Variants in CADM2 observed in about 807,000 individuals in gnomAD.
CADM2 encodes the protein immunoglobulin superfamily member 4D.
CADM2 carries 12 observed loss-of-function variants against 49.8 expected under a neutral mutation model. The ratio of observed to expected loss-of-function variants is 0.24; its 90% CI spans 0.15 to 0.39. CADM2 has a LOEUF of 0.39. Ranked by LOEUF, CADM2 falls within the 10% of genes least tolerant of loss-of-function variation. The pLI, the probability that CADM2 is intolerant of heterozygous loss-of-function variation, is 1.00. For missense variants in CADM2, 378 were observed against 492.3 expected (o/e 0.77, Z 2.20); for synonymous variants, 214 against 175.4 (o/e 1.22, Z -1.74).
chr3:85,537,546 G>C (rs1039973085), intron 1 of CADM2, among the ~76,000 whole-genome samples: 1 of 151,696 alleles, frequency 6.6e-6, no homozygotes, highest in Non-Finnish European at 1.5e-5. Flanking sequence ...GTTAATATGA[G>C]AAGAAAATGT....
chr3:85,417,291 AGTTT>A (rs1294793958), intron 1 of CADM2, among the ~76,000 whole-genome samples: 4 of 152,242 alleles, frequency 2.6e-5, no homozygotes, highest in African/African-American at 9.6e-5. Context: ...GAAATCCTGA[AGTTT>A]GTTTTATACT....
chr3:85,934,154 A>T (rs542494791), intron 6 of CADM2, among the ~76,000 whole-genome samples: 24 of 152,008 alleles, frequency 1.6e-4, no homozygotes, highest in African/African-American at 5.5e-4. Context: ...TGAAAACTAA[A>T]CTCTTCTTTA....
At chr3:85,729,020 T>G (rs558720884) in intron 2 of CADM2, among the ~76,000 whole-genome samples, 1 of 152,164 alleles carries the variant, frequency 6.6e-6, no homozygotes, top group African/African-American at 2.4e-5. Context: ...ATGTAGCAAC[T>G]AGCTCTTTGC....
At chr3:85,380,259 C>A (rs997931712) in intron 1 of CADM2, among the ~76,000 whole-genome samples, 5 of 151,794 alleles carry the variant, frequency 3.3e-5, no homozygotes, top group Admixed American at 1.3e-4. Flanking sequence ...ATCGTGACAC[C>A]TTTTGAAGGT....
chr3:85,413,827 C>G (rs1576509162), intron 1 of CADM2, among the ~76,000 whole-genome samples: 2 of 152,224 alleles, frequency 1.3e-5, no homozygotes, highest in East Asian at 3.9e-4. Context: ...AATACTGTGT[C>G]TCACAGCTTT....
At chr3:85,595,581 G>T (rs76125709) in intron 1 of CADM2, among the ~76,000 whole-genome samples, 2 of 151,848 alleles carry the variant, frequency 1.3e-5, no homozygotes, top group Non-Finnish European at 2.9e-5. Context: ...TTCTTAAAAG[G>T]TGGGTGCAAA....
intron 1 of CADM2, among the ~76,000 whole-genome samples, chr3:85,106,513 C>T (rs1408712504): frequency 2.0e-5 from 3 of 151,984 alleles, no homozygotes; most frequent in Non-Finnish European, 4.4e-5. Flanking sequence ...TCACTTATAC[C>T]ATAAATGAAT....
At chr3:85,745,171 G>C (rs2068564054) in intron 2 of CADM2, among the ~76,000 whole-genome samples, 1 of 152,162 alleles carries the variant, frequency 6.6e-6, no homozygotes, top group Non-Finnish European at 1.5e-5. Flanking sequence ...TTCTACCTCA[G>C]TGGCTTTTGA....
chr3:85,381,461 G>T (rs921043916), intron 1 of CADM2, among the ~76,000 whole-genome samples: 1 of 146,360 alleles, frequency 6.8e-6, no homozygotes, highest in Non-Finnish European at 1.5e-5. Context: ...TATATAAACT[G>T]TATATATAAA....
At chr3:85,710,882 T>TG (rs1255847844) in intron 1 of CADM2, among the ~76,000 whole-genome samples, 1 of 152,164 alleles carries the variant, frequency 6.6e-6, no homozygotes, top group Non-Finnish European at 1.5e-5. Flanking sequence ...CAGTTAGACC[T>TG]GATAACCTTT....
At chr3:85,327,901 C>T (rs1254896687) in intron 1 of CADM2, among the ~76,000 whole-genome samples, 1 of 152,086 alleles carries the variant, frequency 6.6e-6, no homozygotes, top group Admixed American at 6.6e-5. Context: ...AACCCAGGCC[C>T]TTCTGATCCC....
At chr3:85,200,038 T>G (rs1373917748) in intron 1 of CADM2, among the ~76,000 whole-genome samples, 1 of 152,064 alleles carries the variant, frequency 6.6e-6, no homozygotes, top group Non-Finnish European at 1.5e-5. Context: ...ACGAATATTT[T>G]TTATTATGTC....
At chr3:85,740,195 C>A (rs1388753697) in intron 2 of CADM2, among the ~76,000 whole-genome samples, 1 of 152,160 alleles carries the variant, frequency 6.6e-6, no homozygotes, top group African/African-American at 2.4e-5. Context: ...GTAAACAAGT[C>A]TGTGTCTTTT....
At chr3:85,954,073 T>G (rs2108594689) in intron 7 of CADM2, among the ~76,000 whole-genome samples, 1 of 151,116 alleles carries the variant, frequency 6.6e-6, no homozygotes, top group South Asian at 2.1e-4. Context: ...TTAAGCTTGC[T>G]TATTCTACAA....
intron 1 of CADM2, among the ~76,000 whole-genome samples, chr3:85,683,631 A>C (rs1480632115): frequency 6.6e-6 from 1 of 152,206 alleles, no homozygotes; most frequent in African/African-American, 2.4e-5. Context: ...CTTTTTGCTG[A>C]ATAATTATAG....
In CADM2 at chr3:85,673,358, A is replaced by G. The variant is rs114968437; in HGVS notation, c.62-53164A>G. 6.6e-3 allele frequency among the ~76,000 whole-genome samples: 1,006 copies of G among 152,254 alleles called. 17 individuals are homozygous for G. Among genetic ancestry groups the G allele is most frequent in the African/African-American group, 0.023 (969 of 41,536 alleles). On this transcript the variant is annotated intron_variant, in intron 1 of 9. Coordinates refer to ENST00000383699, the MANE Select transcript of CADM2 (RefSeq NM_001167675.2). ...TGACTACCTACCTAAAGGTCTGATT[A>G]AGAAGGAAAAACAGGGTAGTCTCCA...
intron 2 of CADM2, among the ~76,000 whole-genome samples, chr3:85,737,979 A>G (rs1012371542): frequency 4.6e-5 from 7 of 152,164 alleles, no homozygotes; most frequent in Non-Finnish European, 8.8e-5. Context: ...TAATCATCTG[A>G]TGGGCACTGA....
chr3:84,996,530 G>A (rs542567124), intron 1 of CADM2, among the ~76,000 whole-genome samples: 28 of 151,962 alleles, frequency 1.8e-4, no homozygotes, highest in African/African-American at 5.1e-4. Flanking sequence ...TTTACTTTTC[G>A]TATGCTTTTA....
At chr3:86,040,785 T>G (rs1352820956) in intron 8 of CADM2, among the ~76,000 whole-genome samples, 2 of 152,070 alleles carry the variant, frequency 1.3e-5, no homozygotes, top group Non-Finnish European at 2.9e-5. Context: ...AATTGTCAGA[T>G]TCACAAAATT....
Sources: allele counts gnomAD v4.1 joint callset (sites outside exome capture counted in the v4.1 genomes callset), GRCh38; gene constraint gnomAD v4.1.1; transcripts MANE v1.5; gene names NCBI Gene and HGNC (gene_info 2026-07-23, HGNC 2026-07-21).